PARL: variants seen among roughly 807,000 people sequenced by gnomAD.
PARL encodes presenilin-associated rhomboid-like protein, mitochondrial.
A neutral mutation model predicts 51.6 loss-of-function variants in PARL; 44 were observed. That is an observed-to-expected ratio of 0.85 (90% CI 0.67 to 1.10). PARL has a LOEUF of 1.10. Ranked by LOEUF, PARL falls within the 50% of genes least tolerant of loss-of-function variation. The pLI is 0.00. For missense variants in PARL, 441 were observed against 469.5 expected (o/e 0.94, Z 0.56); for synonymous variants, 172 against 164.0 (o/e 1.05, Z -0.37).
chr3:183,854,419 A>G (rs1020570734), intron 4 of PARL, among the ~76,000 whole-genome samples: 11 of 152,208 alleles, frequency 7.2e-5, no homozygotes, highest in African/African-American at 2.7e-4. Context: ...TTAAAAAAGG[A>G]AGTAAATACT....
intron 7 of PARL, among the ~76,000 whole-genome samples, chr3:183,838,449 G>A (rs909607901): frequency 2.0e-5 from 3 of 151,986 alleles, no homozygotes; most frequent in Non-Finnish European, 4.4e-5. Flanking sequence ...CATTATACCT[G>A]GTGATTTAAT....
intron 4 of PARL, among the ~76,000 whole-genome samples, chr3:183,848,399 G>A (rs1017764738): frequency 6.6e-6 from 1 of 152,084 alleles, no homozygotes; most frequent in Non-Finnish European, 1.5e-5. Flanking sequence ...CCGCTACCAC[G>A]CCCAGCTAAT....
At chr3:183,848,600 C>A in intron 4 of PARL, among the ~76,000 whole-genome samples, 1 of 152,186 alleles carries the variant, frequency 6.6e-6, no homozygotes, top group East Asian at 1.9e-4. Context: ...GGAGCTGGAG[C>A]TCTTTCAAAG....
chr3:183,882,891 AC>A (rs1734728816), intron 1 of PARL, among the ~76,000 whole-genome samples: 1 of 152,158 alleles, frequency 6.6e-6, no homozygotes, highest in Admixed American at 6.5e-5. Context: ...ATTCTTCTGC[AC>A]GCTAATTTCA....
At chr3:183,831,607 C>T (rs12633858) in intron 9 of PARL, among the ~76,000 whole-genome samples, 21,893 of 152,096 alleles carry the variant, frequency 0.14, 1,865 homozygotes, top group East Asian at 0.26. Context: ...AAATATTCAG[C>T]GTATTAATAT....
chr3:183,844,522 C>T (rs1729728007), intron 4 of PARL, 196 bp from the exon 5 acceptor site: 1 of 538,632 alleles, frequency 1.9e-6, no homozygotes, highest in Non-Finnish European at 3.3e-6. Flanking sequence ...GGTAAAGTCA[C>T]AGAATTCCTG....
At chr3:183,857,021 A>C (rs1427171998) in intron 4 of PARL, among the ~76,000 whole-genome samples, 1 of 152,248 alleles carries the variant, frequency 6.6e-6, no homozygotes, top group Non-Finnish European at 1.5e-5. Flanking sequence ...TATTAATAAA[A>C]GATTTGTTAA....
chr3:183,876,610 T>TAAAAAAAAAAAAAAAAAAAAAAAA (rs576376716), intron 1 of PARL, among the ~76,000 whole-genome samples: 49 of 91,792 alleles, frequency 5.3e-4, no homozygotes, highest in Non-Finnish European at 7.4e-4. Context: ...ATACATTTTG[T>TAAAAAAAAAAAAAAAAAAAAAAAA]AAAAAAAAAA....
chr3:183,864,921 T>C (rs34604538), intron 3 of PARL, among the ~76,000 whole-genome samples: 7,131 of 137,904 alleles, frequency 0.052, 210 homozygotes, highest in East Asian at 0.082. Context: ...TTTTTTTTTT[T>C]CCGTATTTCA....
chr3:183,839,045 T>A (rs1577293822), intron 7 of PARL, among the ~76,000 whole-genome samples: 2 of 152,146 alleles, frequency 1.3e-5, no homozygotes, highest in East Asian at 3.8e-4. Context: ...GTAGACAATA[T>A]GATTCGAAAT....
chr3:183,867,517 G>T (rs1732641909), intron 2 of PARL, among the ~76,000 whole-genome samples: 3 of 152,004 alleles, frequency 2.0e-5, no homozygotes. Context: ...TGGCTAACAA[G>T]GTGAAACCCC....
chr3:183,860,076 C>T (rs955560632), intron 4 of PARL, among the ~76,000 whole-genome samples: 12 of 151,460 alleles, frequency 7.9e-5, no homozygotes, highest in African/African-American at 1.9e-4. Flanking sequence ...AAAACCCATT[C>T]GGAAAACATC....
chr3:183,864,211 G>T (rs11716104), intron 3 of PARL, among the ~76,000 whole-genome samples: 1 of 151,988 alleles, frequency 6.6e-6, no homozygotes, highest in African/African-American at 2.4e-5. Flanking sequence ...ATGTGCCCAT[G>T]GGAAAACAAG....
intron 9 of PARL, among the ~76,000 whole-genome samples, chr3:183,830,078 A>C (rs1727752118): frequency 6.6e-6 from 1 of 152,232 alleles, no homozygotes; most frequent in Non-Finnish European, 1.5e-5. Flanking sequence ...GCTCACTCGC[A>C]GGTCAGACTG....
chr3:183,861,613 C>G (rs1046125558), intron 4 of PARL, among the ~76,000 whole-genome samples: 4 of 152,082 alleles, frequency 2.6e-5, no homozygotes, highest in Non-Finnish European at 5.9e-5. Flanking sequence ...AGATAAACAC[C>G]CTTTCTCCAC....
chr3:183,843,929 C>G (rs4912511), intron 5 of PARL, among the ~76,000 whole-genome samples: 1 of 151,790 alleles, frequency 6.6e-6, no homozygotes, highest in Non-Finnish European at 1.5e-5. Flanking sequence ...ATCCTAGCTA[C>G]TAGGGAGGCT....
rs1732013681 is a variant in PARL at position 183,862,952 on chromosome 3, GA to G, written c.463-152del. The G allele has an allele frequency of 2.1e-5, 15 of 705,420 alleles. No individual in the cohort carries two copies. In the East Asian group the frequency reaches 2.7e-4, roughly 13 times the overall value. The allele number at this position is 705,420 out of a possible 1,614,324, so 43.7% of individuals were successfully genotyped here. A position where few individuals can be genotyped will look rare whatever the true frequency, so the allele number is the denominator to read the frequency against. On this transcript the variant is annotated intron_variant, in intron 3 of 9. Transcript: ENST00000317096. ...GACATAATAAATACGTGGTAGAGTG[GA>G]AAAGGCACATGTTTTATAGTCAGGC...
intron 7 of PARL, among the ~76,000 whole-genome samples, chr3:183,839,450 G>A (rs141277217): frequency 2.3e-4 from 35 of 152,206 alleles, no homozygotes; most frequent in African/African-American, 7.7e-4. Context: ...ACAGGGTCTT[G>A]TTCTGTCACC....
intron 4 of PARL, among the ~76,000 whole-genome samples, chr3:183,852,846 AG>A (rs1287406286): frequency 6.6e-6 from 1 of 152,352 alleles, no homozygotes; most frequent in East Asian, 1.9e-4. Context: ...TACTTGAAGG[AG>A]TGGAAAATGG....
Sources: allele counts gnomAD v4.1 joint callset (sites outside exome capture counted in the v4.1 genomes callset), GRCh38; gene constraint gnomAD v4.1.1; transcripts MANE v1.5; gene names NCBI Gene and HGNC (gene_info 2026-07-23, HGNC 2026-07-21).